The following ENOSF1 variants were observed in gnomAD, a reference collection of about 807,000 sequenced individuals.
The protein encoded by ENOSF1 is enolase superfamily member 1, also known as mitochondrial enolase superfamily member 1.
ENOSF1 carries 73 observed loss-of-function variants against 68.2 expected under a neutral mutation model. The ratio of observed to expected loss-of-function variants is 1.07; its 90% CI spans 0.89 to 1.30. The LOEUF (loss-of-function observed/expected upper bound fraction) is 1.30, where lower values mean the gene tolerates loss of function less well. ENOSF1 is among the 50% of genes most tolerant of loss of function. The pLI, the probability that ENOSF1 is intolerant of heterozygous loss-of-function variation, is 0.00. For synonymous variants in ENOSF1, 223 were observed against 210.4 expected (o/e 1.06, Z -0.52); for missense variants, 589 against 554.5 (o/e 1.06, Z -0.62).
rs760217658 is a variant in ENOSF1 at position 672,760 on chromosome 18, C to T, written c.*1545G>A. On this transcript the variant is annotated 3_prime_UTR_variant, in exon 16 of 16. Coordinates refer to ENST00000647584, the MANE Select transcript of ENOSF1 (RefSeq NM_017512.7). ...AGGATCATACTCCTGTAAAATAGAA[C>T]TTTGTTGATCACATCCTGTGTACTT... The T allele has an allele frequency of 1.8e-5, 24 of 1,341,534 alleles. No individual in the cohort carries two copies. Among genetic ancestry groups the T allele is most frequent in the Non-Finnish European group, 2.4e-5 (24 of 990,992 alleles). The allele number at this position is 1,341,534 out of a possible 1,614,324, so 83.1% of individuals were successfully genotyped here. A position where few individuals can be genotyped will look rare whatever the true frequency, so the allele number is the denominator to read the frequency against.
At chr18:668,284 C>A (rs1247198110), downstream of ENOSF1, among the ~76,000 whole-genome samples, 1 of 152,056 alleles carries the variant, frequency 6.6e-6, no homozygotes, top group Non-Finnish European at 1.5e-5. Context: ...AGAGGACTTT[C>A]CTCCCAAAAT....
intron 9 of ENOSF1, chr18:687,920 AC>A (rs1380769731): frequency 6.6e-6 from 1 of 152,500 alleles, no homozygotes; most frequent in Non-Finnish European, 1.5e-5. Flanking sequence ...TAATCCCAGC[AC>A]TTTGGGAGGC....
chr18:705,166 T>C (rs568551103), intron 2 of ENOSF1, among the ~76,000 whole-genome samples: 85 of 152,304 alleles, frequency 5.6e-4, no homozygotes, highest in South Asian at 2.3e-3. Context: ...CTACAACTAC[T>C]GAGAGCGCTG....
intron 11 of ENOSF1, among the ~76,000 whole-genome samples, chr18:679,366 T>C (rs2075855030): frequency 6.8e-6 from 1 of 146,620 alleles, no homozygotes; most frequent in African/African-American, 2.4e-5. Flanking sequence ...CACGCCACCA[T>C]GCTGGCTAAT....
chr18:674,044 T>G lies in ENOSF1; in HGVS notation c.*261A>C. 3.1e-6 allele frequency: 1 copy of G among 317,790 alleles called. No homozygotes were observed. Among genetic ancestry groups the G allele is most frequent in the Non-Finnish European group, 5.7e-6 (1 of 174,222 alleles). The allele number at this position is 317,790 out of a possible 1,614,324, so 19.7% of individuals were successfully genotyped here. On this transcript the variant is annotated 3_prime_UTR_variant, in exon 16 of 16. Transcript: ENST00000647584. ...TTAATGTCTAGGTGCCAGCCCTTGA[T>G]ATAGCTATTTTTGTAAGAACATCCT...
intron 9 of ENOSF1, chr18:688,286 G>A (rs571637282): frequency 2.2e-5 from 8 of 369,514 alleles, no homozygotes; most frequent in East Asian, 9.5e-5. Context: ...CTGAATCAAC[G>A]CTGTTACTGA....
chr18:666,925 GGT>G (rs1398437314), downstream of ENOSF1, among the ~76,000 whole-genome samples: 90 of 64,590 alleles, frequency 1.4e-3, 9 homozygotes, highest in East Asian at 4.3e-3. Flanking sequence ...TGATGGAGAT[GGT>G]GATGGTGATG....
In ENOSF1 at chr18:677,751, T is replaced by C; in HGVS notation, c.1040A>G (p.Lys347Arg). Residue 347 changes from lysine to arginine, a missense_variant, in exon 13 of 16, where the codon AAG (lysine) becomes AGG (arginine). By Grantham distance (26) the Lys-to-Arg change is conservative (BLOSUM62 2). Coordinates refer to ENST00000647584, the MANE Select transcript of ENOSF1 (RefSeq NM_017512.7). ...CGCTGCAGCACGCTTACTTTCAAAC[T>C]TTTTGGCCATCAGCAATACTGAGAG... is the stretch of plus-strand genomic sequence containing the variant. ...ENLSVLLMAKKFEIPVCPHAG... is the reference protein window; with the variant it reads ...ENLSVLLMAKRFEIPVCPHAG... 6.2e-7 allele frequency: 1 copy of C among 1,612,238 alleles called. No individual in the cohort carries two copies. Among genetic ancestry groups the C allele is most frequent in the Non-Finnish European group, 8.5e-7 (1 of 1,179,464 alleles).
At chr18:685,309 C>A (rs2076511802) in intron 10 of ENOSF1, among the ~76,000 whole-genome samples, 1 of 151,478 alleles carries the variant, frequency 6.6e-6, no homozygotes, top group South Asian at 2.1e-4. Flanking sequence ...CTGGCCAGCC[C>A]AGAATCAATT....
At chr18:700,613 G>A (rs1045342057) in intron 2 of ENOSF1, among the ~76,000 whole-genome samples, 6 of 152,096 alleles carry the variant, frequency 3.9e-5, no homozygotes, top group Non-Finnish European at 7.3e-5. Flanking sequence ...GGCCAGGCAC[G>A]GTGGCTCATG....
chr18:688,149 G>A (rs367953313), intron 9 of ENOSF1: 20 of 151,724 alleles, frequency 1.3e-4, no homozygotes, highest in African/African-American at 2.6e-4. Flanking sequence ...TCTGGGTGAC[G>A]AGAGTGAAAC....
rs561714598 is a variant in ENOSF1, at chr18:694,641, AAGAG to A, written c.310-311_310-308del. ...AGACTCTGTCTCAAAAAAAAAAAAAAAGAGAGAGAGAGAAAGATATTTAGGTCTT... is the reference window on the plus strand; with the variant it reads ...AGACTCTGTCTCAAAAAAAAAAAAAAAGAGAGAGAAAGATATTTAGGTCTT... On this transcript the variant is annotated intron_variant, in intron 3 of 15. Coordinates refer to ENST00000647584, the MANE Select transcript of ENOSF1 (RefSeq NM_017512.7). Among the ~76,000 whole-genome samples the A allele has an allele frequency of 6.2e-3, 935 of 151,880 alleles. 8 individuals carry two copies. The highest frequency in any genetic ancestry group is 0.02 in the African/African-American group (830 of 41,374).
chr18:693,686 C>T, intron 5 of ENOSF1, 196 bp downstream of exon 5: 1 of 985,362 alleles, frequency 1.0e-6, no homozygotes, highest in Non-Finnish European at 1.2e-6. Context: ...TCATGCCACC[C>T]TGCCTGCATG....
At chr18:691,156 CACT>C in intron 6 of ENOSF1, 45 bp downstream of exon 6, 2 of 1,613,216 alleles carry the variant, frequency 1.2e-6, no homozygotes, top group Non-Finnish European at 1.7e-6. Flanking sequence ...CAAAGCATGC[CACT>C]ACTGTGTGTG....
rs954413381 is a variant in ENOSF1 at position 693,993 on chromosome 18, T to A, written c.397-85A>T. 9 of 1,381,686 alleles carry A rather than the reference T, an allele frequency of 6.5e-6. No individual in the cohort carries two copies. The African/African-American group carries it at 1.0e-4, about 15-fold the overall frequency. The allele number at this position is 1,381,686 out of a possible 1,614,324, so 85.6% of individuals were successfully genotyped here. Reference sequence around the variant, plus strand: ...ACAGTAAACGCGTTGGCAGCTCTAATGCTGGCTGTCAGCCACCAGGTCCCC... The same window carrying A: ...ACAGTAAACGCGTTGGCAGCTCTAAAGCTGGCTGTCAGCCACCAGGTCCCC... On this transcript the variant is annotated intron_variant, in intron 4 of 15. Coordinates refer to ENST00000647584, the MANE Select transcript of ENOSF1 (RefSeq NM_017512.7).
At chr18:710,283 A>G (rs1017252112) in intron 1 of ENOSF1, among the ~76,000 whole-genome samples, 9 of 151,962 alleles carry the variant, frequency 5.9e-5, no homozygotes, top group African/African-American at 2.2e-4. Flanking sequence ...TAATTTTTGT[A>G]TTTTTTTGTT....
intron 5 of ENOSF1, chr18:693,260 G>A (rs571800127): frequency 1.6e-6 from 2 of 1,288,066 alleles, no homozygotes; most frequent in African/African-American, 3.0e-5. Flanking sequence ...TGCTGGAATT[G>A]TACAGTAGAG....
intron 4 of ENOSF1, 62 bp downstream of exon 4, chr18:694,186 G>A (rs1478343206): frequency 1.3e-5 from 20 of 1,487,842 alleles, no homozygotes; most frequent in Admixed American, 3.5e-5. Context: ...TCCTCTGTGC[G>A]TAGGGAAAGT....
At chr18:690,463 C>G (rs905102809) in intron 8 of ENOSF1, 86 bp downstream of exon 8, 10 of 1,445,240 alleles carry the variant, frequency 6.9e-6, no homozygotes, top group Non-Finnish European at 9.7e-6. Context: ...AAGTGAGGTA[C>G]TGAGAGTAGT....
Sources: allele counts gnomAD v4.1 joint callset (sites outside exome capture counted in the v4.1 genomes callset), GRCh38; gene constraint gnomAD v4.1.1; transcripts MANE v1.5; gene names NCBI Gene and HGNC (gene_info 2026-07-23, HGNC 2026-07-21).